Variants in TENM4 observed in about 807,000 individuals in gnomAD.
The protein encoded by TENM4 is teneurin transmembrane protein 4.
TENM4 carries 82 observed loss-of-function variants against 243.3 expected under a neutral mutation model. The observed-to-expected ratio is 0.34, with a 90% CI of 0.28 to 0.40. TENM4 has a LOEUF of 0.40. Ranked by LOEUF, TENM4 falls within the 10% of genes least tolerant of loss-of-function variation. The probability of loss-of-function intolerance (pLI) is 1.00; values close to 1 mark genes in which losing one functional copy is unlikely to be tolerated. For synonymous variants in TENM4, 1,412 were observed against 1,456.3 expected, an observed-to-expected ratio of 0.97 and a Z score of 0.69; for missense variants, 3,138 against 3,673.3, an observed-to-expected ratio of 0.85 and a Z score of 3.77.
At chr11:79,402,998 A>C (rs1490104748) in intron 1 of TENM4, among the ~76,000 whole-genome samples, 1 of 152,214 alleles carries the variant, frequency 6.6e-6, no homozygotes, top group African/African-American at 2.4e-5. Context: ...CACAACATAA[A>C]TATTGAAATA....
rs1859376775 is a variant in TENM4, at chr11:79,440,290, CGGCTCCA to C, written c.-321+212_-321+218del. ...CCGCGGCGGGCTCCGGGGGCTGCGG[CGGCTCCA>C]GGCTCCAGAACAGCTTGCCTCTTCG... is the stretch of plus-strand genomic sequence containing the variant. On this transcript the variant is annotated intron_variant, in intron 1 of 33. Transcript: ENST00000278550. This position sits in a 1 kb window ranked among gnomAD's most constrained non-coding sequence, Gnocchi z 4.7. Among the ~76,000 whole-genome samples, 2 of 151,812 alleles carry C rather than the reference CGGCTCCA, an allele frequency of 1.3e-5. No individual in the cohort carries two copies. Among genetic ancestry groups the C allele is most frequent in the Non-Finnish European group, 2.9e-5 (2 of 67,912 alleles).
chr11:79,286,169 A>T (rs1017977768), intron 2 of TENM4, among the ~76,000 whole-genome samples: 1 of 152,156 alleles, frequency 6.6e-6, no homozygotes, highest in African/African-American at 2.4e-5. Context: ...GTTTTCTTTT[A>T]TTATTGTTTC....
intron 6 of TENM4, among the ~76,000 whole-genome samples, chr11:79,022,421 C>T (rs577592907): frequency 5.9e-5 from 9 of 152,212 alleles, no homozygotes; most frequent in African/African-American, 9.6e-5. Context: ...TAAACAGTCC[C>T]GGCAAAGGAT....
At chr11:78,892,230 T>C (rs954492935) in intron 7 of TENM4, among the ~76,000 whole-genome samples, 1 of 152,234 alleles carries the variant, frequency 6.6e-6, no homozygotes, top group African/African-American at 2.4e-5. Context: ...CTGAGTGACA[T>C]GATTCACACT....
chr11:79,004,202 A>C (rs1043686279), intron 6 of TENM4, among the ~76,000 whole-genome samples: 2 of 152,184 alleles, frequency 1.3e-5, no homozygotes, highest in African/African-American at 2.4e-5. Flanking sequence ...GGGAGCTGTC[A>C]ATGTCCCACT....
At chr11:78,792,273 C>T (rs1488438405) in intron 15 of TENM4, among the ~76,000 whole-genome samples, 1 of 152,162 alleles carries the variant, frequency 6.6e-6, no homozygotes, top group Non-Finnish European at 1.5e-5. Flanking sequence ...GGGGCTACTA[C>T]TAGAAAAGCA....
intron 1 of TENM4, among the ~76,000 whole-genome samples, chr11:79,392,113 A>G (rs1858246653): frequency 6.6e-6 from 1 of 152,270 alleles, no homozygotes; most frequent in Admixed American, 6.5e-5. Context: ...GGTCAAGGAC[A>G]GCCAACATCC....
At chr11:79,157,129 C>G (rs1862639253) in intron 3 of TENM4, among the ~76,000 whole-genome samples, 1 of 152,100 alleles carries the variant, frequency 6.6e-6, no homozygotes. Flanking sequence ...AGTGCAGGAG[C>G]TCCCCAGTTA....
At chr11:79,313,052 G>T (rs1196597264) in intron 1 of TENM4, among the ~76,000 whole-genome samples, 1 of 152,160 alleles carries the variant, frequency 6.6e-6, no homozygotes, top group Non-Finnish European at 1.5e-5. Context: ...TGTCTGTCTG[G>T]TGATGCTCCC....
intron 27 of TENM4, among the ~76,000 whole-genome samples, chr11:78,707,291 T>G (rs957158247): frequency 6.6e-6 from 1 of 152,248 alleles, no homozygotes; most frequent in African/African-American, 2.4e-5. Flanking sequence ...TGATTCAGCA[T>G]GGGCCTGGCC....
intron 3 of TENM4, among the ~76,000 whole-genome samples, chr11:79,195,833 A>T (rs1003429406): frequency 1.7e-4 from 26 of 152,096 alleles, no homozygotes; most frequent in Admixed American, 1.6e-3. Context: ...AAATGTGAGG[A>T]CATGAGATTT....
chr11:78,989,524 C>A (rs374719005), intron 6 of TENM4, among the ~76,000 whole-genome samples: 1 of 152,346 alleles, frequency 6.6e-6, no homozygotes, highest in Middle Eastern at 3.4e-3. Flanking sequence ...CTTCTGAGAA[C>A]ATGAAGAACA....
intron 1 of TENM4, among the ~76,000 whole-genome samples, chr11:79,327,826 C>G (rs920907612): frequency 2.0e-5 from 3 of 152,008 alleles, no homozygotes; most frequent in Non-Finnish European, 2.9e-5. Flanking sequence ...CCACCATTGT[C>G]TTTTAAATGC....
At chr11:78,707,150 G>C (rs1194944595) in intron 27 of TENM4, among the ~76,000 whole-genome samples, 1 of 152,214 alleles carries the variant, frequency 6.6e-6, no homozygotes, top group Admixed American at 6.5e-5. Context: ...GTGTGTGCAG[G>C]CTCCCCTAAA....
Position 78,843,890 on chromosome 11 carries a change from G to A in TENM4, c.1681+10214C>T, listed in dbSNP as rs185010855. Among the ~76,000 whole-genome samples the A allele has an allele frequency of 1.6e-4, 24 of 152,298 alleles. No individual in the cohort carries two copies. The East Asian group carries it at 3.9e-3, about 25-fold the overall frequency. On this transcript the variant is annotated intron_variant, in intron 12 of 33. Coordinates refer to ENST00000278550, the MANE Select transcript of TENM4 (RefSeq NM_001098816.3). ...GTGCCTTCATTCCCTCAAAGCTGCCGATAAGAAGTTCATGCCCATAACAGA... is the reference window on the plus strand; with the variant it reads ...GTGCCTTCATTCCCTCAAAGCTGCCAATAAGAAGTTCATGCCCATAACAGA...
intron 9 of TENM4, among the ~76,000 whole-genome samples, chr11:78,883,285 C>G (rs1855475090): frequency 6.6e-6 from 1 of 150,696 alleles, no homozygotes. Context: ...CTCATTTAAC[C>G]TGCACAACAG....
chr11:79,351,516 G>C (rs1246236856), intron 1 of TENM4, among the ~76,000 whole-genome samples: 1 of 152,078 alleles, frequency 6.6e-6, no homozygotes, highest in Non-Finnish European at 1.5e-5. Context: ...GACCAGCCTG[G>C]CCAGCATGGT....
At chr11:79,022,032 T>C (rs191106964) in intron 6 of TENM4, among the ~76,000 whole-genome samples, 12 of 152,190 alleles carry the variant, frequency 7.9e-5, no homozygotes, top group Admixed American at 7.9e-4. Context: ...CCAAGGGACA[T>C]TGATGGTGAG....
At chr11:79,248,379 G>A (rs1435752148) in intron 2 of TENM4, among the ~76,000 whole-genome samples, 1 of 152,114 alleles carries the variant, frequency 6.6e-6, no homozygotes, top group East Asian at 1.9e-4. Context: ...GTTGGCTAGG[G>A]ACCACAGTAT....
Sources: allele counts gnomAD v4.1 joint callset (sites outside exome capture counted in the v4.1 genomes callset), GRCh38; gene constraint gnomAD v4.1.1; non-coding constraint Gnocchi (gnomAD v3.1); transcripts MANE v1.5; gene names NCBI Gene and HGNC (gene_info 2026-07-23, HGNC 2026-07-21).